The following MOSPD2 variants were observed in gnomAD, a reference collection of about 807,000 sequenced individuals.
MOSPD2 encodes the protein motile sperm domain containing 2.
A neutral mutation model predicts 41.7 loss-of-function variants in MOSPD2; 5 were observed. The observed-to-expected ratio is 0.12, with a 90% CI of 0.06 to 0.25. The LOEUF (loss-of-function observed/expected upper bound fraction) is 0.25, where lower values mean the gene tolerates loss of function less well. MOSPD2 is among the 10% of genes least tolerant of loss of function. The pLI, the probability that MOSPD2 is intolerant of heterozygous loss-of-function variation, is 1.00. For synonymous variants in MOSPD2, 115 were observed against 126.9 expected (o/e 0.91, Z 0.63); for missense variants, 282 against 375.2 (o/e 0.75, Z 2.05).
intron 10 of MOSPD2, among the ~76,000 whole-genome samples, chrX:14,912,610 T>C (rs2092593877): frequency 8.9e-6 from 1 of 111,876 alleles, no homozygotes; most frequent in Non-Finnish European, 1.9e-5. Context: ...AATATTTATA[T>C]ATTAATAAAT....
rs372105123 is a variant in MOSPD2, at chrX:14,914,607, T to C, written c.1089+8T>C. ...AATATAGTGGCATTTAAGGTAAATA[T>C]CTTAAAGATACAATAAATTATGTTT... On this transcript the variant is annotated splice_region_variant and intron_variant, in intron 11 of 14. Transcript: ENST00000380492. 1.1e-6 allele frequency: 1 copy of C among 915,121 alleles called. No individual in the cohort carries two copies. The highest frequency in any genetic ancestry group is 2.0e-5 in the African/African-American group (1 of 50,985). 75.4% of individuals were successfully genotyped at this position (915,121 alleles called of 1,213,427 possible).
At chrX:14,888,246 ACAC>A (rs1308836919) in intron 2 of MOSPD2, among the ~76,000 whole-genome samples, 1 of 104,095 alleles carries the variant, frequency 9.6e-6, no homozygotes, top group African/African-American at 3.7e-5. Context: ...ACACACACAC[ACAC>A]CTTTTTATAA....
rs1282367846 is a variant in MOSPD2 at position 14,912,105 on chromosome X, T to C, written c.880-144T>C. 36 of 317,219 alleles carry C rather than the reference T, an allele frequency of 1.1e-4. No homozygotes were observed. The East Asian group carries it at 1.8e-3, about 16-fold the overall frequency. 26.1% of individuals were successfully genotyped at this position (317,219 alleles called of 1,213,427 possible). ...GATGGATAAATACAATGTTATAATT[T>C]AGAAAAATTTAAAGACTCTTAAGGG... On this transcript the variant is annotated intron_variant, in intron 9 of 14. Coordinates refer to ENST00000380492, the MANE Select transcript of MOSPD2 (RefSeq NM_152581.4).
intron 8 of MOSPD2, 120 bp downstream of exon 8, chrX:14,909,104 C>G: frequency 1.1e-5 from 6 of 525,600 alleles, no homozygotes; most frequent in Non-Finnish European, 1.6e-5. Flanking sequence ...CACAGATACC[C>G]CCAAAATAGC....
chrX:14,903,119 C>T (rs2092575944), intron 7 of MOSPD2, 115 bp downstream of exon 7: 9 of 494,286 alleles, frequency 1.8e-5, no homozygotes, highest in South Asian at 6.2e-5. Flanking sequence ...TGCATGCTCT[C>T]TTAAGAGACT....
chrX:14,915,807 G>C, intron 12 of MOSPD2, 43 bp downstream of exon 12: 1 of 1,038,397 alleles, frequency 9.6e-7, no homozygotes, highest in African/African-American at 1.8e-5. Context: ...TGGGTGTGGT[G>C]GGGGTAAGGG....
At chrX:14,917,716 T>C (rs1280434884) in intron 13 of MOSPD2, among the ~76,000 whole-genome samples, 1 of 111,773 alleles carries the variant, frequency 8.9e-6, no homozygotes, top group African/African-American at 3.3e-5. Context: ...TGATAATGGC[T>C]ATGGTTGAAT....
chrX:14,892,974 GTCA>G, intron 3 of MOSPD2, 96 bp downstream of exon 3: 1 of 603,529 alleles, frequency 1.7e-6, no homozygotes, highest in South Asian at 4.2e-5. Context: ...ATTCCTAGCA[GTCA>G]TCATAAACAC....
Position 14,911,394 on chromosome X carries a change from A to G in MOSPD2, c.860A>G (p.Gln287Arg). The change falls in exon 9 of 15, where the codon CAA (glutamine) becomes CGA (arginine). Residue 287 changes from glutamine (Q) to arginine (R), a missense_variant. Gln to Arg is a conservative substitution (Grantham distance 43). Transcript: ENST00000380492. ...ETLETISNEE[Q>R]TPLLKKINPT... The stretch of plus-strand genomic sequence containing the variant: ...TTGGAAACAATTTCTAATGAAGAAC[A>G]AACACCTCTTCTTAAAAAGGTAACT... The G allele has an allele frequency of 8.4e-7, 1 of 1,183,919 alleles. No individual in the cohort carries two copies.
chrX:14,901,201 G>A (rs751067808), intron 6 of MOSPD2, among the ~76,000 whole-genome samples: 11 of 111,680 alleles, frequency 9.8e-5, no homozygotes, highest in Non-Finnish European at 1.7e-4. Context: ...TTACCTGAAT[G>A]AAGAACTCCT....
Position 14,890,777 on chromosome X carries a change from T to C in MOSPD2, c.80-1946T>C, listed in dbSNP as rs376331241. 7.1e-5 allele frequency among the ~76,000 whole-genome samples: 8 copies of C among 111,918 alleles called. No homozygotes were observed. The East Asian group carries it at 1.7e-3, about 24-fold the overall frequency. The stretch of plus-strand genomic sequence containing the variant: ...TATTTTCCTGGCCTTTCAGCTATTA[T>C]CTCTGAGGACCTGAAATAAGGCAGT... On this transcript the variant is annotated intron_variant, in intron 2 of 14. Transcript: ENST00000380492.
chrX:14,900,702 G>A lies in MOSPD2; in HGVS notation c.538+67G>A, dbSNP rs184862992. 126 of 537,434 alleles carry A rather than the reference G, an allele frequency of 2.3e-4. No individual in the cohort carries two copies. The African/African-American group carries it at 2.8e-3, about 12-fold the overall frequency. The allele number at this position is 537,434 out of a possible 1,213,427, so 44.3% of individuals were successfully genotyped here. A position where few individuals can be genotyped will look rare whatever the true frequency, so the allele number is the denominator to read the frequency against. On this transcript the variant is annotated intron_variant, in intron 6 of 14. Transcript: ENST00000380492. ...ACTGTAGACAATGTCTGAGAATTGT[G>A]GAGCCTTATGTTATTATAGACTTTC...
rs1292225834 is a variant in MOSPD2, at chrX:14,892,777, A to G, written c.134A>G (p.Asn45Ser). 2 of 1,199,835 alleles carry G rather than the reference A, an allele frequency of 1.7e-6. No homozygotes were observed. Among genetic ancestry groups the G allele is most frequent in the African/African-American group, 3.5e-5 (2 of 56,974 alleles). Reference sequence around the variant, plus strand: ...GTTGAAAGGCTACAACAAGATGATAACTGGGTTGAAAGTTACTTATCTTGG... The same window carrying G: ...GTTGAAAGGCTACAACAAGATGATAGCTGGGTTGAAAGTTACTTATCTTGG... Reference protein sequence around the residue: ...RDVERLQQDDNWVESYLSWRH... With the variant: ...RDVERLQQDDSWVESYLSWRH... The change falls in exon 3 of 15, where the codon AAC becomes AGC. Residue 45 changes from asparagine to serine, a missense_variant. Asn to Ser is a conservative substitution (Grantham distance 46). Coordinates refer to ENST00000380492, the MANE Select transcript of MOSPD2 (RefSeq NM_152581.4).
intron 12 of MOSPD2, 27 bp from the exon 13 acceptor site, chrX:14,916,170 A>G: frequency 8.3e-7 from 1 of 1,210,975 alleles, no homozygotes; most frequent in Admixed American, 2.2e-5. Context: ...TCCTGTTTAT[A>G]TGCTGAATTA....
intron 2 of MOSPD2, among the ~76,000 whole-genome samples, chrX:14,882,599 A>G (rs1034302889): frequency 8.9e-6 from 1 of 111,775 alleles, no homozygotes; most frequent in African/African-American, 3.3e-5. Context: ...TACCATAAAT[A>G]TAATTTTTGT....
chrX:14,903,251 A>G (rs2092576238), intron 7 of MOSPD2, among the ~76,000 whole-genome samples: 1 of 110,583 alleles, frequency 9.0e-6, no homozygotes, highest in Non-Finnish European at 1.9e-5. Flanking sequence ...TTGCACGGCT[A>G]TAGTCCTAGC....
chrX:14,902,762 C>T (rs1056039503), intron 6 of MOSPD2, among the ~76,000 whole-genome samples: 5 of 112,040 alleles, frequency 4.5e-5, no homozygotes, highest in Non-Finnish European at 9.4e-5. Flanking sequence ...CCTGGGCTGG[C>T]ACCTCACCAT....
At chrX:14,919,255 C>G (rs2092605326) in intron 14 of MOSPD2, among the ~76,000 whole-genome samples, 1 of 111,819 alleles carries the variant, frequency 8.9e-6, no homozygotes. Context: ...TTTTGGAGAT[C>G]TACTAACCAT....
intron 3 of MOSPD2, among the ~76,000 whole-genome samples, chrX:14,894,831 G>C (rs1266400901): frequency 9.0e-6 from 1 of 110,938 alleles, no homozygotes; most frequent in Non-Finnish European, 1.9e-5. Flanking sequence ...CTTAATATTA[G>C]ATTGGTGCAA....
Sources: allele counts gnomAD v4.1 joint callset (sites outside exome capture counted in the v4.1 genomes callset), GRCh38; gene constraint gnomAD v4.1.1; transcripts MANE v1.5; gene names NCBI Gene and HGNC (gene_info 2026-07-23, HGNC 2026-07-21).